Variants in GSTCD observed in about 807,000 individuals in gnomAD.
The protein encoded by GSTCD is glutathione S-transferase C-terminal domain-containing protein.
In GSTCD, 44 loss-of-function variants were observed where a neutral mutation model predicts 68.3. The ratio of observed to expected loss-of-function variants is 0.64; its 90% CI spans 0.51 to 0.83. The LOEUF (loss-of-function observed/expected upper bound fraction) is 0.83, where lower values mean the gene tolerates loss of function less well. Ranked by LOEUF, GSTCD falls within the 40% of genes least tolerant of loss-of-function variation. GSTCD has a pLI of 0.00. For synonymous variants in GSTCD, 273 were observed against 255.2 expected (o/e 1.07, Z -0.67); for missense variants, 739 against 735.9 (o/e 1.00, Z -0.05).
At chr4:105,805,294 C>A (rs1045494525) in intron 5 of GSTCD, among the ~76,000 whole-genome samples, 1 of 151,894 alleles carries the variant, frequency 6.6e-6, no homozygotes, top group Non-Finnish European at 1.5e-5. Flanking sequence ...TGCATTATAA[C>A]CCATAATTAA....
chr4:105,754,404 A>T (rs1734111091), intron 5 of GSTCD, among the ~76,000 whole-genome samples: 1 of 152,204 alleles, frequency 6.6e-6, no homozygotes, highest in Non-Finnish European at 1.5e-5. Flanking sequence ...TGGCATAAAT[A>T]TACAATATTA....
intron 5 of GSTCD, among the ~76,000 whole-genome samples, chr4:105,790,666 C>A (rs1272591690): frequency 2.0e-5 from 3 of 152,020 alleles, no homozygotes; most frequent in East Asian, 3.9e-4. Context: ...AAGCAAACGG[C>A]AGCAGTAGCA....
chr4:105,741,110 C>T (rs1187012082), intron 5 of GSTCD, among the ~76,000 whole-genome samples: 1 of 151,818 alleles, frequency 6.6e-6, no homozygotes, highest in African/African-American at 2.4e-5. Context: ...AATTTTTAAT[C>T]CTCTTTGAAG....
At chr4:105,743,338 A>G (rs146242080) in intron 5 of GSTCD, among the ~76,000 whole-genome samples, 1 of 152,110 alleles carries the variant, frequency 6.6e-6, no homozygotes, top group Non-Finnish European at 1.5e-5. Context: ...TCTTCAATAG[A>G]CTGTGAACTC....
chr4:105,771,828 G>T (rs538897067), intron 5 of GSTCD, among the ~76,000 whole-genome samples: 2 of 152,102 alleles, frequency 1.3e-5, no homozygotes, highest in Admixed American at 1.3e-4. Flanking sequence ...TGTTCGTTTT[G>T]CTTAGGATTG....
chr4:105,718,912 A>G (rs1732768078), intron 2 of GSTCD, 148 bp from the exon 3 acceptor site: 1 of 629,678 alleles, frequency 1.6e-6, no homozygotes, highest in Admixed American at 3.0e-5. Flanking sequence ...CTTCTGAAGC[A>G]CTGTGATGTG....
chr4:105,811,994 C>T (rs933754769), intron 5 of GSTCD, among the ~76,000 whole-genome samples: 2 of 152,128 alleles, frequency 1.3e-5, no homozygotes, highest in Admixed American at 6.5e-5. Context: ...CTCTGGATGG[C>T]ACAGGCATAT....
chr4:105,714,689 G>GA (rs1480202365), intron 1 of GSTCD, among the ~76,000 whole-genome samples: 1 of 150,810 alleles, frequency 6.6e-6, no homozygotes, highest in African/African-American at 2.4e-5. Context: ...CTCCCAGGGG[G>GA]AAAACCAACA....
intron 8 of GSTCD, among the ~76,000 whole-genome samples, chr4:105,829,451 G>A (rs1389137712): frequency 2.0e-5 from 3 of 152,178 alleles, no homozygotes; most frequent in Non-Finnish European, 4.4e-5. Flanking sequence ...AAGAAAAGAG[G>A]TTTAATTGAT....
At chr4:105,749,386 T>C (rs1733926735) in intron 5 of GSTCD, among the ~76,000 whole-genome samples, 1 of 151,924 alleles carries the variant, frequency 6.6e-6, no homozygotes, top group Admixed American at 6.6e-5. Flanking sequence ...TTCTAAATTT[T>C]ATATGGAAAA....
At chr4:105,755,660 GT>G (rs1205401630) in intron 5 of GSTCD, among the ~76,000 whole-genome samples, 1 of 152,068 alleles carries the variant, frequency 6.6e-6, no homozygotes, top group Non-Finnish European at 1.5e-5. Flanking sequence ...ACCAGGCTAG[GT>G]TGTGACATGT....
chr4:105,753,230 T>G (rs1477476052), intron 5 of GSTCD: 1 of 152,022 alleles, frequency 6.6e-6, no homozygotes, highest in African/African-American at 2.4e-5. Context: ...AAGAAACCAC[T>G]TTAAGTAGAA....
intron 1 of GSTCD, among the ~76,000 whole-genome samples, chr4:105,709,932 G>C (rs1261135908): frequency 6.6e-6 from 1 of 151,708 alleles, no homozygotes; most frequent in African/African-American, 2.4e-5. Context: ...TAAGTGATTC[G>C]CTGTCATATT....
chr4:105,730,784 T>G (rs1733209340), intron 5 of GSTCD, among the ~76,000 whole-genome samples: 1 of 152,316 alleles, frequency 6.6e-6, no homozygotes, highest in African/African-American at 2.4e-5. Flanking sequence ...TTGTTCCCAT[T>G]GCTTTTGGTG....
intron 9 of GSTCD, among the ~76,000 whole-genome samples, chr4:105,835,091 A>T (rs1368588264): frequency 1.3e-5 from 2 of 152,232 alleles, no homozygotes; most frequent in Non-Finnish European, 2.9e-5. Flanking sequence ...ATTTAATGAT[A>T]TGTGTAAAGC....
At chr4:105,718,527 A>C (rs1304780185) in intron 2 of GSTCD, among the ~76,000 whole-genome samples, 1 of 152,184 alleles carries the variant, frequency 6.6e-6, no homozygotes, top group African/African-American at 2.4e-5. Context: ...CATGAGCCAA[A>C]TAAACCTCTT....
intron 5 of GSTCD, among the ~76,000 whole-genome samples, chr4:105,767,143 G>A (rs1442108391): frequency 1.3e-5 from 2 of 152,048 alleles, no homozygotes; most frequent in Admixed American, 1.3e-4. Flanking sequence ...AAATGGAAGT[G>A]AGGAACAGAA....
At chr4:105,748,994 T>C (rs532449021) in intron 5 of GSTCD, among the ~76,000 whole-genome samples, 120 of 152,074 alleles carry the variant, frequency 7.9e-4, no homozygotes, top group Non-Finnish European at 1.4e-3. Context: ...ATAGGAATAT[T>C]TTATAATAGG....
intron 5 of GSTCD, among the ~76,000 whole-genome samples, chr4:105,734,288 A>C (rs1018311506): frequency 6.6e-6 from 1 of 152,150 alleles, no homozygotes; most frequent in Non-Finnish European, 1.5e-5. Context: ...GTGTTTTCCA[A>C]CTTGGTTCCA....
Sources: gnomAD v4.1 joint callset for allele counts (sites outside exome capture counted in the v4.1 genomes callset) on GRCh38, gnomAD v4.1.1 for gene constraint, MANE v1.5 for transcripts, NCBI Gene and HGNC (gene_info 2026-07-23, HGNC 2026-07-21) for gene names.